Variants in TTLL1 observed in about 807,000 individuals in gnomAD.
TTLL1 encodes polyglutamylase complex subunit TTLL1.
Under a neutral mutation model 47.8 loss-of-function variants are expected in TTLL1, and 33 were observed. The observed-to-expected ratio is 0.69, with a 90% CI of 0.52 to 0.92. The LOEUF (loss-of-function observed/expected upper bound fraction) is 0.92, where lower values mean the gene tolerates loss of function less well. Among genes scored for constraint, TTLL1 ranks in the 40% least tolerant of loss-of-function variants. The probability of loss-of-function intolerance (pLI) is 0.00; values close to 1 mark genes in which losing one functional copy is unlikely to be tolerated. For missense variants in TTLL1, 488 were observed against 547.5 expected, an observed-to-expected ratio of 0.89 and a Z score of 1.08; for synonymous variants, 225 against 214.1, an observed-to-expected ratio of 1.05 and a Z score of -0.45.
chr22:43,070,393 C>T (rs1319291472), intron 3 of TTLL1, among the ~76,000 whole-genome samples: 1 of 152,080 alleles, frequency 6.6e-6, no homozygotes. Flanking sequence ...GGTCTCCCCG[C>T]CACACGCCTG....
intron 8 of TTLL1, among the ~76,000 whole-genome samples, chr22:43,055,643 T>C: frequency 6.8e-6 from 1 of 146,564 alleles, no homozygotes; most frequent in South Asian, 2.2e-4. Context: ...TTAAAAATAA[T>C]TTTTTTTTTT....
chr22:43,084,041 T>C (rs901800652), intron 1 of TTLL1, among the ~76,000 whole-genome samples: 4 of 152,154 alleles, frequency 2.6e-5, no homozygotes, highest in African/African-American at 9.7e-5. Context: ...CTACTAACCA[T>C]TTTACCTAAC....
chr22:43,063,903 G>A lies in TTLL1; in HGVS notation c.657C>T (p.Cys219=), dbSNP rs772138861. Residue 219 remains cysteine (C), a synonymous_variant, in exon 7 of 11, where the codon TGC becomes TGT. Transcript: ENST00000266254. ...LRCYMYKLGF[C]RFCTVKYTPS... ...GGGTGTATTTCACTGTGCAGAACCGGCAAAACCCAAGCTTGTACCTAGGAG... is the reference window on the plus strand; with the variant it reads ...GGGTGTATTTCACTGTGCAGAACCGACAAAACCCAAGCTTGTACCTAGGAG... 1 of 1,614,082 alleles carries A rather than the reference G, an allele frequency of 6.2e-7. No individual in the cohort carries two copies. The highest frequency in any genetic ancestry group is 1.1e-5 in the South Asian group (1 of 91,072).
intron 3 of TTLL1, among the ~76,000 whole-genome samples, chr22:43,073,364 T>A (rs9611997): frequency 8.8e-4 from 117 of 133,428 alleles, no homozygotes; most frequent in African/African-American, 2.0e-3. Context: ...TATTTATTTA[T>A]TTTATTTTTT....
chr22:43,085,293 G>A (rs769159478), intron 1 of TTLL1, among the ~76,000 whole-genome samples: 5 of 152,122 alleles, frequency 3.3e-5, no homozygotes, highest in Non-Finnish European at 7.4e-5. Context: ...CACTTATTAA[G>A]CTCTAGCATG....
At chr22:43,068,702 C>T in intron 4 of TTLL1, 112 bp from the exon 5 acceptor site, 4 of 960,776 alleles carry the variant, frequency 4.2e-6, no homozygotes, top group Non-Finnish European at 5.7e-6. Flanking sequence ...TCCCCCACCG[C>T]AACCCAGCAG....
At chr22:43,063,790 C>T (rs781118126) in intron 7 of TTLL1, 23 bp downstream of exon 7, 9 of 1,608,668 alleles carry the variant, frequency 5.6e-6, no homozygotes, top group African/African-American at 1.3e-5. Flanking sequence ...TTTCTGTAAG[C>T]ACAAATGAAA....
chr22:43,087,712 C>T (rs764770363), intron 1 of TTLL1, among the ~76,000 whole-genome samples: 1 of 150,230 alleles, frequency 6.7e-6, no homozygotes, highest in Non-Finnish European at 1.5e-5. Context: ...GTGGTGGGCG[C>T]CTGTAATCCA....
chr22:43,046,274 C>A, intron 10 of TTLL1, 136 bp downstream of exon 10: 1 of 903,722 alleles, frequency 1.1e-6, no homozygotes, highest in South Asian at 1.8e-5. Flanking sequence ...CAAGATCTAT[C>A]CCATCATGTC....
rs745681442 is a variant in TTLL1 at position 43,069,627 on chromosome 22, C to T, written c.322+9G>A. 1.4e-4 allele frequency: 228 copies of T among 1,613,956 alleles called. 1 individual carries two copies. In the East Asian group the frequency reaches 2.8e-3, roughly 20 times the overall value. On this transcript the variant is annotated intron_variant, in intron 4 of 10. Transcript: ENST00000266254. ...ACTGAAAACATGAGCCGGTGGAAGA[C>T]GCACAAACCCAGATAGAGGTATTTT...
Position 43,041,660 on chromosome 22 carries a change from G to A in TTLL1, c.1143-1755C>T, listed in dbSNP as rs576579128. Among the ~76,000 whole-genome samples the A allele has an allele frequency of 7.9e-5, 12 of 151,628 alleles. No individual in the cohort carries two copies. In the South Asian group the frequency reaches 1.9e-3, roughly 24 times the overall value. On this transcript the variant is annotated intron_variant, in intron 10 of 10. Transcript: ENST00000266254. Reference sequence around the variant, plus strand: ...CTCCCAAGTAGCTGGCATTACAGGCGCATGCCACCACGCCCGGCTAACTTT... The same window carrying A: ...CTCCCAAGTAGCTGGCATTACAGGCACATGCCACCACGCCCGGCTAACTTT...
intron 8 of TTLL1, among the ~76,000 whole-genome samples, chr22:43,055,771 G>A (rs948954886): frequency 6.6e-6 from 1 of 152,004 alleles, no homozygotes; most frequent in Admixed American, 6.6e-5. Flanking sequence ...ACCACGCCCA[G>A]CCTCTTAATT....
At chr22:43,066,074 G>A (rs560001034) in intron 5 of TTLL1, among the ~76,000 whole-genome samples, 10 of 150,502 alleles carry the variant, frequency 6.6e-5, no homozygotes, top group Admixed American at 2.7e-4. Context: ...CAGGAGAATC[G>A]CTTGAACCTG....
intron 10 of TTLL1, 69 bp from the exon 11 acceptor site, chr22:43,039,974 G>A: frequency 6.4e-7 from 1 of 1,551,124 alleles, no homozygotes; most frequent in Non-Finnish European, 8.7e-7. Context: ...CCACCAGGCT[G>A]CTGTGTGGCA....
At chr22:43,074,471 T>C (rs1444697977) in intron 3 of TTLL1, among the ~76,000 whole-genome samples, 2 of 148,686 alleles carry the variant, frequency 1.3e-5, no homozygotes, top group Non-Finnish European at 3.0e-5. Context: ...AAAAAAAATA[T>C]ATGTATCAAT....
At chr22:43,081,799 G>C (rs377600285) in intron 1 of TTLL1, among the ~76,000 whole-genome samples, 1 of 147,940 alleles carries the variant, frequency 6.8e-6, no homozygotes, top group Non-Finnish European at 1.5e-5. Flanking sequence ...CACCCGCTTC[G>C]GCCTCCCAAA....
At chr22:43,078,169 G>A (rs1445461243) in intron 2 of TTLL1, among the ~76,000 whole-genome samples, 1 of 151,986 alleles carries the variant, frequency 6.6e-6, no homozygotes, top group Non-Finnish European at 1.5e-5. Flanking sequence ...CACCAATGAG[G>A]AAGCTGAGGC....
chr22:43,074,995 C>T lies in TTLL1; in HGVS notation c.113+479G>A, dbSNP rs111302100. 8.1e-3 allele frequency among the ~76,000 whole-genome samples: 1,238 copies of T among 152,224 alleles called. 19 individuals are homozygous for T. Among genetic ancestry groups the T allele is most frequent in the African/African-American group, 0.028 (1,152 of 41,544 alleles). On this transcript the variant is annotated intron_variant, in intron 3 of 10. Transcript: ENST00000266254. ...CAGCCCGGCCAACATGGTGAAACCC[C>T]GTCTCTACTAAAAACACAAAAAAAT...
rs79082204 is a variant in TTLL1, at chr22:43,077,436, G to A, written c.-4-1846C>T. The stretch of plus-strand genomic sequence containing the variant: ...CTCCAAACAAGGTGCTGTACCCCTC[G>A]GCAACCCTGGAGCTCTGTATCAAGC... On this transcript the variant is annotated intron_variant, in intron 2 of 10. Transcript: ENST00000266254. 9.3e-3 allele frequency among the ~76,000 whole-genome samples: 1,417 copies of A among 152,232 alleles called. 31 individuals carry two copies. The highest frequency in any genetic ancestry group is 0.032 in the African/African-American group (1,330 of 41,552).
Sources: gnomAD v4.1 joint callset for allele counts (sites outside exome capture counted in the v4.1 genomes callset) on GRCh38, gnomAD v4.1.1 for gene constraint, MANE v1.5 for transcripts, NCBI Gene and HGNC (gene_info 2026-07-23, HGNC 2026-07-21) for gene names.